The following CRACD variants were observed in gnomAD, a reference collection of about 807,000 sequenced individuals.
CRACD encodes the protein capping protein-inhibiting regulator of actin dynamics.
CRACD carries 56 observed loss-of-function variants against 106.8 expected under a neutral mutation model. That is an observed-to-expected ratio of 0.52 (90% CI 0.42 to 0.66). The LOEUF (loss-of-function observed/expected upper bound fraction) is 0.66. Among genes scored for constraint, CRACD ranks in the 30% least tolerant of loss-of-function variants. The probability of loss-of-function intolerance (pLI) is 0.00; values close to 1 mark genes in which losing one functional copy is unlikely to be tolerated. For synonymous variants in CRACD, 754 were observed against 670.8 expected, an observed-to-expected ratio of 1.12 and a Z score of -1.92; for missense variants, 1,730 against 1,623.2, an observed-to-expected ratio of 1.07 and a Z score of -1.13.
At chr4:56,116,137 A>G (rs189706194) in intron 1 of CRACD, among the ~76,000 whole-genome samples, 3 of 152,338 alleles carry the variant, frequency 2.0e-5, no homozygotes, top group Admixed American at 2.0e-4. Flanking sequence ...AAGAGATTGT[A>G]AGTCTTCTTT....
At chr4:56,169,968 A>G (rs1322113128) in intron 1 of CRACD, among the ~76,000 whole-genome samples, 1 of 152,174 alleles carries the variant, frequency 6.6e-6, no homozygotes, top group Non-Finnish European at 1.5e-5. Context: ...CTGGTGAGCT[A>G]CTTTACTGAA....
rs2109812809 is a variant in CRACD at position 56,329,560 on chromosome 4, G to A, written c.*1756G>A. ...GTTGGATTTAATATCATATATACTG[G>A]ACCTTCAGACTGTTAAAAATCAATG... On this transcript the variant is annotated 3_prime_UTR_variant, in exon 11 of 11. Coordinates refer to ENST00000682029, the MANE Select transcript of CRACD (RefSeq NM_001393381.1). 6.6e-6 allele frequency among the ~76,000 whole-genome samples: 1 copy of A among 152,220 alleles called. No individual in the cohort carries two copies. The highest frequency in any genetic ancestry group is 2.4e-5 in the African/African-American group (1 of 41,564).
At chr4:56,301,223 C>T in intron 4 of CRACD, 1 of 1,286,466 alleles carries the variant, frequency 7.8e-7, no homozygotes, top group South Asian at 1.2e-5. Flanking sequence ...CTTTATTTTT[C>T]AGTCGACTAA....
chr4:56,056,361 T>A (rs1187780093), intron 1 of CRACD, among the ~76,000 whole-genome samples: 1 of 152,216 alleles, frequency 6.6e-6, no homozygotes, highest in Admixed American at 6.5e-5. Flanking sequence ...ATTCCCTTTA[T>A]TAAAATAACT....
intron 2 of CRACD, among the ~76,000 whole-genome samples, chr4:56,221,426 G>A (rs2109513550): frequency 6.6e-6 from 1 of 152,222 alleles, no homozygotes; most frequent in East Asian, 1.9e-4. Flanking sequence ...GGGGAAATTG[G>A]CTTGAGGAAT....
chr4:56,130,358 A>G (rs1180340790), intron 1 of CRACD, among the ~76,000 whole-genome samples: 1 of 152,230 alleles, frequency 6.6e-6, no homozygotes, highest in Non-Finnish European at 1.5e-5. Flanking sequence ...TAATGTATAT[A>G]GGAAAATAAC....
chr4:56,263,148 T>C lies in CRACD; in HGVS notation c.-188-9173T>C, dbSNP rs533671397. 3.3e-5 allele frequency among the ~76,000 whole-genome samples: 5 copies of C among 152,168 alleles called. No individual in the cohort carries two copies. The South Asian group carries it at 1.0e-3, about 32-fold the overall frequency. On this transcript the variant is annotated intron_variant, in intron 2 of 10. Transcript: ENST00000682029. ...CACAAGCAGAGAACAGAAGAAGGAG[T>C]CATTCTTTCTAGCCAAAGTGTTCAA...
At chr4:56,188,113 G>A (rs937361536) in intron 2 of CRACD, among the ~76,000 whole-genome samples, 7 of 152,146 alleles carry the variant, frequency 4.6e-5, no homozygotes, top group African/African-American at 1.7e-4. Context: ...AGAAGCCTCA[G>A]AAAGTTCATT....
At chr4:56,180,460 G>T (rs937035769) in intron 2 of CRACD, among the ~76,000 whole-genome samples, 9 of 151,872 alleles carry the variant, frequency 5.9e-5, no homozygotes, top group African/African-American at 1.9e-4. Flanking sequence ...CTGCACTCCA[G>T]CCTGGGTGAC....
chr4:56,162,521 A>T (rs185263142), intron 1 of CRACD, among the ~76,000 whole-genome samples: 1 of 151,970 alleles, frequency 6.6e-6, no homozygotes, highest in African/African-American at 2.4e-5. Context: ...TTGAATTTTT[A>T]AATTGCATCA....
At chr4:56,085,785 G>A (rs1034069328) in intron 1 of CRACD, among the ~76,000 whole-genome samples, 1 of 152,192 alleles carries the variant, frequency 6.6e-6, no homozygotes, top group African/African-American at 2.4e-5. Context: ...AAAAGAAGGA[G>A]CTTGAACTGA....
At chr4:56,253,260 A>G (rs1467441339) in intron 2 of CRACD, among the ~76,000 whole-genome samples, 1 of 152,384 alleles carries the variant, frequency 6.6e-6, no homozygotes. Flanking sequence ...AATTTGGCAA[A>G]CAGACCAGGA....
chr4:56,314,987 G>C lies in CRACD; in HGVS notation c.1485G>C (p.Glu495Asp). ...ACACGGAGCCTCTCCTGAAACAAGA[G>C]GGGCCGGTGGAAGCCGCGCAGCCTC... Reference protein sequence around the residue: ...EGDTEPLLKQEGPVEAAQPPV... With the variant: ...EGDTEPLLKQDGPVEAAQPPV... Residue 495 changes from glutamate to aspartate, a missense_variant, in exon 8 of 11, where the codon GAG (glutamate) becomes GAC (aspartate). By Grantham distance (45) the Glu-to-Asp change is conservative (BLOSUM62 2). Transcript: ENST00000682029. This position sits in a 1 kb window ranked among gnomAD's most constrained non-coding sequence, Gnocchi z 4.4. 1 of 1,586,976 alleles carries C rather than the reference G, an allele frequency of 6.3e-7. No individual in the cohort carries two copies. The highest frequency in any genetic ancestry group is 1.3e-5 in the African/African-American group (1 of 74,816).
chr4:56,143,065 T>A (rs1371887920), intron 1 of CRACD, among the ~76,000 whole-genome samples: 1 of 152,014 alleles, frequency 6.6e-6, no homozygotes, highest in Non-Finnish European at 1.5e-5. Context: ...CTATAATATC[T>A]AATTCTAGAC....
chr4:56,310,677 G>C lies in CRACD; in HGVS notation c.297G>C (p.Thr99=). 6.2e-7 allele frequency: 1 copy of C among 1,610,126 alleles called. No homozygotes were observed. The highest frequency in any genetic ancestry group is 8.5e-7 in the Non-Finnish European group (1 of 1,176,458). Residue 99 remains threonine, a synonymous_variant, in exon 6 of 11, where the codon ACG becomes ACC. Transcript: ENST00000682029. ...LSDAENKSSD[T]PSSLSPLNLP... is the part of the protein sequence containing the mutation. ...TCTTACTGTTCCAGTCCAGTGATAC[G>C]CCAAGTTCTCTAAGTCCTCTGAATC...
At chr4:56,292,395 C>T (rs1167252279) in intron 3 of CRACD, among the ~76,000 whole-genome samples, 4 of 152,170 alleles carry the variant, frequency 2.6e-5, no homozygotes, top group African/African-American at 9.7e-5. Context: ...TAGTCTGAGC[C>T]TTACAAAGAT....
intron 1 of CRACD, among the ~76,000 whole-genome samples, chr4:56,058,964 A>G (rs1732177532): frequency 1.3e-5 from 2 of 152,168 alleles, no homozygotes; most frequent in African/African-American, 4.8e-5. Context: ...GTGCATTGTG[A>G]AGGTTGGAGG....
chr4:56,123,232 A>C (rs1734547974), intron 1 of CRACD, among the ~76,000 whole-genome samples: 1 of 152,170 alleles, frequency 6.6e-6, no homozygotes, highest in African/African-American at 2.4e-5. Flanking sequence ...GGAGTGGATT[A>C]GTTGGCTTAG....
chr4:56,191,376 TCTCC>T (rs1481952602), intron 2 of CRACD, among the ~76,000 whole-genome samples: 2 of 151,746 alleles, frequency 1.3e-5, no homozygotes, highest in Non-Finnish European at 2.9e-5. Flanking sequence ...AGTCTTCCTC[TCTCC>T]CTCCCTCCCT....
Sources: gnomAD v4.1 joint callset for allele counts (sites outside exome capture counted in the v4.1 genomes callset) on GRCh38, gnomAD v4.1.1 for gene constraint, Gnocchi (gnomAD v3.1) non-coding constraint, MANE v1.5 for transcripts, NCBI Gene and HGNC (gene_info 2026-07-23, HGNC 2026-07-21) for gene names.